Variants in CMSS1 observed in about 807,000 individuals in gnomAD.
CMSS1 encodes the protein cms1 ribosomal small subunit homolog.
In CMSS1, 33 loss-of-function variants were observed where a neutral mutation model predicts 43.5. That is an observed-to-expected ratio of 0.76 (90% CI 0.57 to 1.01). The LOEUF is 1.01. Among genes scored for constraint, CMSS1 ranks in the 50% least tolerant of loss-of-function variants. The pLI is 0.00. For missense variants in CMSS1, 313 were observed against 326.4 expected (o/e 0.96, Z 0.32); for synonymous variants, 115 against 117.2 (o/e 0.98, Z 0.12).
At chr3:100,097,743 G>A (rs987660884) in intron 1 of CMSS1, among the ~76,000 whole-genome samples, 2 of 152,166 alleles carry the variant, frequency 1.3e-5, no homozygotes, top group African/African-American at 2.4e-5. Flanking sequence ...AATATTCTTC[G>A]TTATTTGGCA....
At chr3:100,128,891 G>A (rs561096836) in intron 1 of CMSS1, among the ~76,000 whole-genome samples, 96 of 152,214 alleles carry the variant, frequency 6.3e-4, no homozygotes, top group African/African-American at 2.0e-3. Context: ...TCGTTTATCC[G>A]TTCTCTCTTG....
At position 99,825,230 on chromosome 3, in the gene CMSS1, A is replaced by T. The variant is rs111384597; in HGVS notation, c.64+7187A>T. ...TTTCATAATCATTCGTCAAGCTCTC[A>T]TGCTTAGCCTTGTTTTAGACACTGT... On this transcript the variant is annotated intron_variant, in intron 1 of 9. Transcript: ENST00000421999. 4.0e-3 allele frequency among the ~76,000 whole-genome samples: 606 copies of T among 152,332 alleles called. 3 individuals carry two copies. Among genetic ancestry groups the T allele is most frequent in the African/African-American group, 0.014 (565 of 41,580 alleles).
chr3:100,100,187 C>T (rs1280861192), intron 1 of CMSS1, among the ~76,000 whole-genome samples: 1 of 151,978 alleles, frequency 6.6e-6, no homozygotes, highest in East Asian at 1.9e-4. Flanking sequence ...GGTGTGTGGG[C>T]TCTGGGGGCA....
intron 1 of CMSS1, among the ~76,000 whole-genome samples, chr3:100,068,772 C>T (rs767160158): frequency 6.6e-6 from 1 of 152,152 alleles, no homozygotes; most frequent in East Asian, 1.9e-4. Context: ...GGAATACAGG[C>T]GCCCACCACC....
At chr3:99,989,775 T>C (rs1709459402) in intron 1 of CMSS1, among the ~76,000 whole-genome samples, 1 of 151,934 alleles carries the variant, frequency 6.6e-6, no homozygotes. Context: ...ATGTTAATAT[T>C]AAAAGTTAGA....
chr3:100,076,252 A>C (rs1576026304), intron 1 of CMSS1, among the ~76,000 whole-genome samples: 3 of 152,116 alleles, frequency 2.0e-5, no homozygotes, highest in African/African-American at 7.2e-5. Context: ...TTAATCTCTC[A>C]TCATATGCTT....
At position 100,021,450 on chromosome 3, in the gene CMSS1, C is replaced by T. The variant is rs564512199; in HGVS notation, c.65-125523C>T. ...AAGACACTTTGGGAGAGGAGGAACC[C>T]TTCCCGGAATTTCAGAAGTCTCCTT... is the stretch of plus-strand genomic sequence containing the variant. On this transcript the variant is annotated intron_variant, in intron 1 of 9. Coordinates refer to ENST00000421999, the MANE Select transcript of CMSS1 (RefSeq NM_032359.4). 2.6e-5 allele frequency among the ~76,000 whole-genome samples: 4 copies of T among 152,218 alleles called. No homozygotes were observed. The South Asian group carries it at 6.2e-4, about 24-fold the overall frequency.
intron 1 of CMSS1, among the ~76,000 whole-genome samples, chr3:100,097,185 T>C (rs554555385): frequency 6.6e-5 from 10 of 152,276 alleles, no homozygotes; most frequent in Non-Finnish European, 1.0e-4. Flanking sequence ...ACATGCTCCT[T>C]ATGAGAAAGA....
intron 1 of CMSS1, among the ~76,000 whole-genome samples, chr3:100,122,416 G>A (rs965118373): frequency 2.0e-5 from 3 of 152,336 alleles, no homozygotes; most frequent in Middle Eastern, 6.8e-3. Flanking sequence ...GGCACCCAGG[G>A]TACTTCTTAG....
At chr3:99,838,758 T>C (rs937898357) in intron 1 of CMSS1, among the ~76,000 whole-genome samples, 2 of 152,232 alleles carry the variant, frequency 1.3e-5, no homozygotes, top group Non-Finnish European at 2.9e-5. Context: ...TGTCAGAGTT[T>C]TAATCTACTT....
At chr3:100,125,998 TA>T (rs1262549038) in intron 1 of CMSS1, among the ~76,000 whole-genome samples, 2 of 152,202 alleles carry the variant, frequency 1.3e-5, no homozygotes, top group Non-Finnish European at 2.9e-5. Flanking sequence ...GCCACCAAGT[TA>T]AAAAAAATTT....
intron 1 of CMSS1, among the ~76,000 whole-genome samples, chr3:99,846,154 C>T (rs546253211): frequency 1.3e-5 from 2 of 152,184 alleles, no homozygotes; most frequent in Admixed American, 6.5e-5. Context: ...CTTCCCTCCC[C>T]CCGTCCCCCA....
At chr3:100,149,948 T>A (rs1448909114) in intron 2 of CMSS1, among the ~76,000 whole-genome samples, 2 of 151,926 alleles carry the variant, frequency 1.3e-5, no homozygotes, top group Non-Finnish European at 2.9e-5. Flanking sequence ...TCCAACCACA[T>A]CCCTGATTTC....
intron 1 of CMSS1, among the ~76,000 whole-genome samples, chr3:100,008,568 T>C (rs1026998803): frequency 6.6e-5 from 10 of 152,154 alleles, no homozygotes; most frequent in South Asian, 4.1e-4. Flanking sequence ...ATATAGTCTT[T>C]GACAAAAAGA....
rs528471367 is a variant in CMSS1, at chr3:99,960,547, T to C, written c.64+142504T>C. Reference sequence around the variant, plus strand: ...AAGTGAAATAATCTCCCTCCTCACCTCCTGTAGGTCTTGCCCAAATCATTC... The same window carrying C: ...AAGTGAAATAATCTCCCTCCTCACCCCCTGTAGGTCTTGCCCAAATCATTC... On this transcript the variant is annotated intron_variant, in intron 1 of 9. Transcript: ENST00000421999. Among the ~76,000 whole-genome samples, 3 of 152,294 alleles carry C rather than the reference T, an allele frequency of 2.0e-5. No individual in the cohort carries two copies. The South Asian group carries it at 6.2e-4, about 32-fold the overall frequency.
At chr3:100,012,048 GA>G (rs1456272513) in intron 1 of CMSS1, among the ~76,000 whole-genome samples, 1 of 152,098 alleles carries the variant, frequency 6.6e-6, no homozygotes, top group Admixed American at 6.6e-5. Context: ...AAACCTTTGT[GA>G]GGGGGGTGGT....
At chr3:99,926,681 T>C (rs1181366653) in intron 1 of CMSS1, among the ~76,000 whole-genome samples, 1 of 152,256 alleles carries the variant, frequency 6.6e-6, no homozygotes, top group Admixed American at 6.5e-5. Context: ...AAAAGAGGCT[T>C]TTCTAAATCC....
intron 1 of CMSS1, among the ~76,000 whole-genome samples, chr3:99,928,238 C>T (rs780217027): frequency 6.6e-6 from 1 of 152,130 alleles, no homozygotes; most frequent in Non-Finnish European, 1.5e-5. Context: ...TGTTTATTTT[C>T]GGGGCATTCC....
At chr3:99,872,033 C>T (rs917747116) in intron 1 of CMSS1, among the ~76,000 whole-genome samples, 3 of 152,012 alleles carry the variant, frequency 2.0e-5, no homozygotes, top group African/African-American at 7.3e-5. Flanking sequence ...ACCTACAGTA[C>T]TGAGGCTTTT....
Sources: gnomAD v4.1 joint callset for allele counts (sites outside exome capture counted in the v4.1 genomes callset) on GRCh38, gnomAD v4.1.1 for gene constraint, MANE v1.5 for transcripts, NCBI Gene and HGNC (gene_info 2026-07-23, HGNC 2026-07-21) for gene names.